MVK: variants seen among roughly 807,000 people sequenced by gnomAD.
The protein encoded by MVK is mevalonate kinase.
Under a neutral mutation model 43.2 loss-of-function variants are expected in MVK, and 34 were observed. The ratio of observed to expected loss-of-function variants is 0.79; its 90% CI spans 0.60 to 1.05. The LOEUF is 1.05. MVK is among the 50% of genes least tolerant of loss of function. MVK has a pLI of 0.00. For synonymous variants in MVK, 190 were observed against 219.8 expected, an observed-to-expected ratio of 0.86 and a Z score of 1.20; for missense variants, 395 against 504.0, an observed-to-expected ratio of 0.78 and a Z score of 2.07.
chr12:109,593,798 A>G lies in MVK; in HGVS notation c.886-1230A>G, dbSNP rs372290087. The stretch of plus-strand genomic sequence containing the variant: ...GAGTGCAGTGGCACAATCTTGGCTC[A>G]TTGCATCCTCCCAGGTTCAAATGAT... On this transcript the variant is annotated intron_variant, in intron 9 of 10. Transcript: ENST00000228510. Among the ~76,000 whole-genome samples, 6 of 138,754 alleles carry G rather than the reference A, an allele frequency of 4.3e-5. No individual in the cohort carries two copies. The South Asian group carries it at 6.6e-4, about 15-fold the overall frequency. The allele number at this position is 138,754 out of a possible 152,430, so 91.0% of individuals were successfully genotyped here.
intron 5 of MVK, 49 bp downstream of exon 5, chr12:109,581,599 G>A (rs1885223180): frequency 6.2e-7 from 1 of 1,613,170 alleles, no homozygotes; most frequent in African/African-American, 1.3e-5. Flanking sequence ...CGGCAGGACA[G>A]GGACGTGGCT....
At chr12:109,586,924 G>A in intron 7 of MVK, 125 bp downstream of exon 7, 1 of 1,154,204 alleles carries the variant, frequency 8.7e-7, no homozygotes, top group East Asian at 2.4e-5. Flanking sequence ...CCCCAATGTG[G>A]CCCTCACAGT....
At position 109,586,024 on chromosome 12, in the gene MVK, G is replaced by A; in HGVS notation, c.530G>A (p.Trp177Ter). The A allele has an allele frequency of 6.2e-7, 1 of 1,613,328 alleles. No individual in the cohort carries two copies. The highest frequency in any genetic ancestry group is 8.5e-7 in the Non-Finnish European group (1 of 1,179,248). ...AAGATGAACATCTGTGTCTTCAGGT[G>A]GACCAAGGAGGATTTGGAGCTAATT... ...PLKDGDCVNR[W>*]TKEDLELINK... The change falls in exon 6 of 11, where the codon TGG (tryptophan) becomes TAG (stop). Residue 177 changes from tryptophan to a stop codon, truncating the protein, a stop_gained and splice_region_variant. Transcript: ENST00000228510. LOFTEE classifies it high-confidence loss of function.
At chr12:109,586,547 T>C (rs1885441538) in intron 6 of MVK, among the ~76,000 whole-genome samples, 1 of 152,164 alleles carries the variant, frequency 6.6e-6, no homozygotes. Context: ...GACCCAGGAA[T>C]CCAAGGCCTG....
At chr12:109,578,308 G>T (rs898750140) in intron 3 of MVK, among the ~76,000 whole-genome samples, 1 of 151,270 alleles carries the variant, frequency 6.6e-6, no homozygotes, top group African/African-American at 2.4e-5. Flanking sequence ...ATGTTGCCCA[G>T]GCTGGTCCCA....
chr12:109,585,514 C>T (rs1050657676), intron 5 of MVK, among the ~76,000 whole-genome samples: 12 of 152,088 alleles, frequency 7.9e-5, no homozygotes, highest in African/African-American at 2.4e-4. Context: ...GGGCCAGGTG[C>T]GGTGGCTCAT....
chr12:109,579,111 C>G, intron 3 of MVK: 10 of 375,642 alleles, frequency 2.7e-5, no homozygotes, highest in South Asian at 2.1e-4. Flanking sequence ...GTCTGTGTGT[C>G]TGTGTGTGTT....
chr12:109,590,939 T>G, intron 8 of MVK, 78 bp downstream of exon 8: 2 of 1,443,772 alleles, frequency 1.4e-6, no homozygotes, highest in Non-Finnish European at 1.9e-6. Flanking sequence ...GGTCTCCCTC[T>G]GGCTGATGGG....
intron 7 of MVK, chr12:109,587,035 A>C (rs937920090): frequency 1.8e-6 from 1 of 556,178 alleles, no homozygotes; most frequent in Non-Finnish European, 3.3e-6. Context: ...AAAGTCATGC[A>C]TGGCTGTGCC....
intron 9 of MVK, 118 bp from the exon 10 acceptor site, chr12:109,594,910 A>G: frequency 7.7e-7 from 1 of 1,298,476 alleles, no homozygotes; most frequent in Admixed American, 1.8e-5. Context: ...CCAGGTAGGC[A>G]AAGCCGTTGG....
chr12:109,579,558 T>C (rs1359836993), intron 3 of MVK, among the ~76,000 whole-genome samples: 1 of 152,202 alleles, frequency 6.6e-6, no homozygotes, highest in Non-Finnish European at 1.5e-5. Flanking sequence ...GTTATCCCTG[T>C]TTTACCAAGG....
rs372312159 is a variant in MVK, at chr12:109,591,190, G to A, written c.769-51G>A. 2.8e-4 allele frequency: 429 copies of A among 1,530,268 alleles called. No homozygotes were observed. In the African/African-American group the frequency reaches 5.3e-3, roughly 19 times the overall value. The allele number at this position is 1,530,268 out of a possible 1,614,324, so 94.8% of individuals were successfully genotyped here. A position where few individuals can be genotyped will look rare whatever the true frequency, so the allele number is the denominator to read the frequency against. On this transcript the variant is annotated intron_variant, in intron 8 of 10. Transcript: ENST00000228510. The stretch of plus-strand genomic sequence containing the variant: ...ACCCCACTGCTGGGGCAGCTGTCCT[G>A]CATCTGCCTGCCCCCAGGCCTCACC...
chr12:109,579,346 C>T, intron 3 of MVK: 1 of 357,564 alleles, frequency 2.8e-6, no homozygotes, highest in Non-Finnish European at 5.5e-6. Flanking sequence ...CGCCATGTTA[C>T]CTAGGCTGGT....
chr12:109,574,929 T>C, intron 2 of MVK, 29 bp downstream of exon 2: 2 of 1,585,360 alleles, frequency 1.3e-6, no homozygotes, highest in South Asian at 2.3e-5. Context: ...CTTTAAGGAT[T>C]GGGTACCCCT....
Position 109,591,381 on chromosome 12 carries a change from G to A in MVK, c.885+24G>A, listed in dbSNP as rs2270374. 262,956 of 1,601,586 alleles carry A rather than the reference G, an allele frequency of 0.16. 22,781 individuals carry two copies. Among genetic ancestry groups the A allele is most frequent in the Middle Eastern group, 0.18 (1,116 of 6,036 alleles). ...AAGTAAGAGCCTGTCTGCAGGAACC[G>A]GGGTTACTGAGTCCACACCACTGTC... On this transcript the variant is annotated intron_variant, in intron 9 of 10. Transcript: ENST00000228510.
At chr12:109,575,939 G>T in intron 2 of MVK, 59 bp from the exon 3 acceptor site, 1 of 1,602,912 alleles carries the variant, frequency 6.2e-7, no homozygotes, top group Non-Finnish European at 8.5e-7. Context: ...TTAGCACGTG[G>T]GTCCTGGCCC....
At chr12:109,590,149 G>A (rs979776294) in intron 7 of MVK, 29 of 169,860 alleles carry the variant, frequency 1.7e-4, no homozygotes, top group African/African-American at 5.7e-4. Context: ...GAGCCCGTGC[G>A]TGGCACTGCC....
intron 9 of MVK, among the ~76,000 whole-genome samples, chr12:109,593,067 G>C (rs1885751746): frequency 6.6e-6 from 1 of 152,226 alleles, no homozygotes; most frequent in Non-Finnish European, 1.5e-5. Flanking sequence ...CCAGCGAACT[G>C]TTCTCCTGTG....
chr12:109,586,499 G>A (rs1885439155), intron 6 of MVK, among the ~76,000 whole-genome samples: 1 of 152,192 alleles, frequency 6.6e-6, no homozygotes, highest in South Asian at 2.1e-4. Context: ...TTCACCATGT[G>A]GCTTGTCGGG....
Sources: gnomAD v4.1 joint callset for allele counts (sites outside exome capture counted in the v4.1 genomes callset) on GRCh38, gnomAD v4.1.1 for gene constraint, MANE v1.5 for transcripts, NCBI Gene and HGNC (gene_info 2026-07-23, HGNC 2026-07-21) for gene names.